NFYC: variants seen among roughly 807,000 people sequenced by gnomAD.
The protein encoded by NFYC is CAAT box DNA-binding protein subunit C.
In NFYC, 25 loss-of-function variants were observed where a neutral mutation model predicts 53.1. The ratio of observed to expected loss-of-function variants is 0.47; its 90% CI spans 0.34 to 0.66. The LOEUF (loss-of-function observed/expected upper bound fraction) is 0.66, where lower values mean the gene tolerates loss of function less well. NFYC is among the 30% of genes least tolerant of loss of function. NFYC has a pLI of 0.01. For missense variants in NFYC, 260 were observed against 422.7 expected (o/e 0.62, Z 3.38); for synonymous variants, 145 against 152.6 (o/e 0.95, Z 0.37).
intron 1 of NFYC, among the ~76,000 whole-genome samples, chr1:40,726,274 T>C (rs1489079464): frequency 1.3e-5 from 2 of 151,700 alleles, no homozygotes; most frequent in Non-Finnish European, 2.9e-5. Flanking sequence ...CGCACCACCA[T>C]GCCCAGCTAA....
chr1:40,695,412 T>A (rs1200000502), intron 1 of NFYC, among the ~76,000 whole-genome samples: 1 of 152,102 alleles, frequency 6.6e-6, no homozygotes, highest in Non-Finnish European at 1.5e-5. Flanking sequence ...CTGGGAGTCT[T>A]GTTTTGGGTT....
chr1:40,753,095 CAAGTG>C, intron 4 of NFYC, 51 bp from the exon 5 acceptor site: 1 of 1,319,458 alleles, frequency 7.6e-7, no homozygotes, highest in Non-Finnish European at 1.1e-6. Context: ...GGTATAAAGC[CAAGTG>C]AACTAGTTTC....
intron 7 of NFYC, among the ~76,000 whole-genome samples, chr1:40,763,646 C>T (rs1017349898): frequency 2.6e-5 from 4 of 152,136 alleles, no homozygotes; most frequent in Non-Finnish European, 5.9e-5. Flanking sequence ...CACGCCCAGC[C>T]CTCAGTACTT....
At chr1:40,698,526 A>G (rs1330000201) in intron 1 of NFYC, among the ~76,000 whole-genome samples, 1 of 151,168 alleles carries the variant, frequency 6.6e-6, no homozygotes, top group Non-Finnish European at 1.5e-5. Context: ...TTTTGGGTTC[A>G]GACGATTCTC....
chr1:40,763,143 C>G, intron 7 of NFYC, 97 bp downstream of exon 7: 1 of 1,082,172 alleles, frequency 9.2e-7, no homozygotes. Context: ...TCTATATATA[C>G]CTTGATATGT....
At chr1:40,691,972 G>A in intron 1 of NFYC, 105 bp downstream of exon 1, 1 of 309,632 alleles carries the variant, frequency 3.2e-6, no homozygotes, top group Non-Finnish European at 6.4e-6. Context: ...TCCTCGCGCG[G>A]CCGCTGCTGT....
intron 7 of NFYC, among the ~76,000 whole-genome samples, chr1:40,765,345 C>T (rs1327630281): frequency 6.6e-6 from 1 of 152,124 alleles, no homozygotes; most frequent in East Asian, 1.9e-4. Flanking sequence ...GTGGGCAATT[C>T]TGGAATGGTC....
At chr1:40,733,287 C>T (rs2148562084) in intron 1 of NFYC, among the ~76,000 whole-genome samples, 1 of 151,764 alleles carries the variant, frequency 6.6e-6, no homozygotes, top group African/African-American at 2.4e-5. Context: ...CTCCTTAATG[C>T]TCCCAAGGGA....
At chr1:40,701,847 AG>A (rs1452913011) in intron 1 of NFYC, among the ~76,000 whole-genome samples, 3 of 152,242 alleles carry the variant, frequency 2.0e-5, no homozygotes, top group Non-Finnish European at 2.9e-5. Flanking sequence ...GTTTTAGTGC[AG>A]GAAACTGGCC....
intron 8 of NFYC, 68 bp downstream of exon 8, chr1:40,766,771 G>C: frequency 6.5e-7 from 1 of 1,532,200 alleles, no homozygotes; most frequent in Non-Finnish European, 9.0e-7. Context: ...CAGGAAAGGA[G>C]CGCTCAGCAC....
At chr1:40,752,822 G>A (rs1341813728) in intron 4 of NFYC, among the ~76,000 whole-genome samples, 1 of 152,010 alleles carries the variant, frequency 6.6e-6, no homozygotes, top group Non-Finnish European at 1.5e-5. Flanking sequence ...CTAACCCACA[G>A]AATGACCAGA....
At chr1:40,764,647 C>G (rs1043567435) in intron 7 of NFYC, among the ~76,000 whole-genome samples, 1 of 152,212 alleles carries the variant, frequency 6.6e-6, no homozygotes, top group Non-Finnish European at 1.5e-5. Flanking sequence ...GCTCAGGCAC[C>G]TTCTGTAGGA....
At chr1:40,727,580 G>T (rs1456385209) in intron 1 of NFYC, among the ~76,000 whole-genome samples, 2 of 150,158 alleles carry the variant, frequency 1.3e-5, no homozygotes, top group East Asian at 4.0e-4. Flanking sequence ...GCCCAGGCTG[G>T]AGTGCAGTGG....
intron 1 of NFYC, among the ~76,000 whole-genome samples, chr1:40,719,632 C>T (rs1644262449): frequency 6.6e-6 from 1 of 152,132 alleles, no homozygotes; most frequent in African/African-American, 2.4e-5. Flanking sequence ...AATCTGGTAT[C>T]TTGATTTTTT....
chr1:40,750,198 C>T (rs989327337), intron 4 of NFYC, among the ~76,000 whole-genome samples: 1 of 151,638 alleles, frequency 6.6e-6, no homozygotes, highest in South Asian at 2.1e-4. Context: ...CACATTCATA[C>T]TGTATGCAGA....
chr1:40,754,951 C>T (rs901918929), intron 5 of NFYC, among the ~76,000 whole-genome samples: 6 of 152,164 alleles, frequency 3.9e-5, no homozygotes, highest in African/African-American at 1.2e-4. Context: ...TGATTGGCAT[C>T]GTATTCGGGA....
chr1:40,699,170 A>C (rs549495138), intron 1 of NFYC, among the ~76,000 whole-genome samples: 1 of 152,084 alleles, frequency 6.6e-6, no homozygotes, highest in African/African-American at 2.4e-5. Flanking sequence ...GTCTCCAAAA[A>C]AAAACAAAAC....
intron 8 of NFYC, among the ~76,000 whole-genome samples, chr1:40,767,526 G>T (rs552289955): frequency 1.3e-5 from 2 of 152,040 alleles, no homozygotes; most frequent in African/African-American, 4.8e-5. Flanking sequence ...CCCACTCCCC[G>T]GCTTACCTAA....
intron 5 of NFYC, chr1:40,754,369 A>G: frequency 1.9e-6 from 1 of 534,460 alleles, no homozygotes; most frequent in Non-Finnish European, 3.8e-6. Context: ...AGTCTTTGCT[A>G]CTGTAAACAT....
Sources: allele counts gnomAD v4.1 joint callset (sites outside exome capture counted in the v4.1 genomes callset), GRCh38; gene constraint gnomAD v4.1.1; transcripts MANE v1.5; gene names NCBI Gene and HGNC (gene_info 2026-07-23, HGNC 2026-07-21).